PLCB1: variants seen among roughly 807,000 people sequenced by gnomAD.
PLCB1 encodes phospholipase C beta 1, also known as 1-phosphatidylinositol 4,5-bisphosphate phosphodiesterase beta-1.
In PLCB1, 46 loss-of-function variants were observed where a neutral mutation model predicts 161.8. The ratio of observed to expected loss-of-function variants is 0.28; its 90% confidence interval spans 0.22 to 0.36. PLCB1 has a LOEUF of 0.36. Ranked by LOEUF, PLCB1 falls within the 10% of genes least tolerant of loss-of-function variation. PLCB1 has a pLI of 1.00. For missense variants in PLCB1, 1,016 were observed against 1,472.5 expected, an observed-to-expected ratio of 0.69 and a Z score of 5.07; for synonymous variants, 517 against 503.7, an observed-to-expected ratio of 1.03 and a Z score of -0.35.
At chr20:8,600,090 T>A (rs1174089366) in intron 3 of PLCB1, among the ~76,000 whole-genome samples, 1 of 123,652 alleles carries the variant, frequency 8.1e-6, no homozygotes, top group East Asian at 2.3e-4. Flanking sequence ...GAAGCCTTCT[T>A]CTCTCAGCTC....
intron 2 of PLCB1, among the ~76,000 whole-genome samples, chr20:8,150,589 G>A (rs1177184988): frequency 6.6e-6 from 1 of 152,114 alleles, no homozygotes; most frequent in Admixed American, 6.5e-5. Flanking sequence ...AGAGCAATTG[G>A]TATTTTTGGT....
intron 3 of PLCB1, among the ~76,000 whole-genome samples, chr20:8,513,022 A>G (rs562354247): frequency 9.8e-5 from 15 of 152,300 alleles, no homozygotes; most frequent in African/African-American, 3.1e-4. Context: ...TAGATTCCAC[A>G]TATAAATGAG....
rs894644215 is a variant in PLCB1, at chr20:8,633,890, T to C, written c.384+5459T>C. On this transcript the variant is annotated intron_variant, in intron 4 of 31. Transcript: ENST00000338037. The stretch of plus-strand genomic sequence containing the variant: ...ATGAAATCATACAATAAAGTCTTTT[T>C]GGTCTGACTTCTATTATTCAACATT... 9.9e-5 allele frequency among the ~76,000 whole-genome samples: 15 copies of C among 152,232 alleles called. No homozygotes were observed. The East Asian group carries it at 2.9e-3, about 29-fold the overall frequency.
chr20:8,320,645 C>A (rs1984867627), intron 2 of PLCB1, among the ~76,000 whole-genome samples: 1 of 152,116 alleles, frequency 6.6e-6, no homozygotes. Flanking sequence ...GCATGTTGTT[C>A]CATGGGTGTT....
intron 3 of PLCB1, among the ~76,000 whole-genome samples, chr20:8,534,382 C>A (rs568188444): frequency 2.2e-4 from 33 of 152,208 alleles, no homozygotes; most frequent in Non-Finnish European, 3.5e-4. Flanking sequence ...ATATTTACTT[C>A]TTTGACAGCC....
At chr20:8,556,245 G>A (rs1425043084) in intron 3 of PLCB1, among the ~76,000 whole-genome samples, 1 of 152,010 alleles carries the variant, frequency 6.6e-6, no homozygotes, top group Non-Finnish European at 1.5e-5. Flanking sequence ...GTGTTTGTCT[G>A]TTTTGACCTG....
intron 3 of PLCB1, among the ~76,000 whole-genome samples, chr20:8,567,403 C>T (rs1986370632): frequency 6.6e-6 from 1 of 151,990 alleles, no homozygotes; most frequent in Non-Finnish European, 1.5e-5. Context: ...ATCCGGATAC[C>T]CAAGTCTTCA....
chr20:8,701,313 G>A (rs1346456972), intron 11 of PLCB1, among the ~76,000 whole-genome samples: 1 of 152,168 alleles, frequency 6.6e-6, no homozygotes, highest in Non-Finnish European at 1.5e-5. Context: ...CATGGGCTGT[G>A]CCAGGCTGGC....
intron 2 of PLCB1, among the ~76,000 whole-genome samples, chr20:8,207,908 TCTC>T (rs1978617878): frequency 6.6e-6 from 1 of 152,106 alleles, no homozygotes; most frequent in African/African-American, 2.4e-5. Context: ...CTGCCTCCTT[TCTC>T]CTCCTGCAGC....
At chr20:8,141,651 A>G (rs927051577) in intron 1 of PLCB1, among the ~76,000 whole-genome samples, 2 of 151,064 alleles carry the variant, frequency 1.3e-5, no homozygotes, top group South Asian at 2.1e-4. Flanking sequence ...AGGAGGGGGC[A>G]ATGTATGCTC....
chr20:8,361,373 C>G (rs532405440), intron 2 of PLCB1, among the ~76,000 whole-genome samples: 2 of 152,188 alleles, frequency 1.3e-5, no homozygotes, highest in Non-Finnish European at 2.9e-5. Flanking sequence ...ACCTAATTAG[C>G]CTTCTCTGTG....
chr20:8,379,587 A>G (rs1568654133), intron 3 of PLCB1, among the ~76,000 whole-genome samples: 2 of 152,144 alleles, frequency 1.3e-5, no homozygotes, highest in Admixed American at 6.5e-5. Flanking sequence ...AAGCATTCCT[A>G]TTTCTCCACA....
rs957449265 is a variant in PLCB1, at chr20:8,600,364, AGGTGTCAGTGTGC to A, written c.247-27929_247-27917del. On this transcript the variant is annotated intron_variant, in intron 3 of 31. Transcript: ENST00000338037. ...GTCAGTTGGAATACCCTGCCGTGTG[AGGTGTCAGTGTGC>A]CCCTGCTGGGGGGTGCCTCCCAGTT... 6.5e-5 allele frequency among the ~76,000 whole-genome samples: 7 copies of A among 108,072 alleles called. 1 individual carries two copies. The highest frequency in any genetic ancestry group is 2.7e-4 in the South Asian group (1 of 3,688). The allele number at this position is 108,072 out of a possible 152,430, so 70.9% of individuals were successfully genotyped here. A position where few individuals can be genotyped will look rare whatever the true frequency, so the allele number is the denominator to read the frequency against.
intron 2 of PLCB1, among the ~76,000 whole-genome samples, chr20:8,197,872 A>G (rs920814150): frequency 2.6e-5 from 4 of 152,126 alleles, no homozygotes; most frequent in African/African-American, 7.2e-5. Context: ...TCAGCTTTCT[A>G]CATATGCCTA....
intron 3 of PLCB1, among the ~76,000 whole-genome samples, chr20:8,623,331 G>C (rs1344596458): frequency 2.6e-5 from 4 of 151,874 alleles, no homozygotes; most frequent in African/African-American, 9.7e-5. Flanking sequence ...TTTTGTTTTA[G>C]ACTTAAATAG....
chr20:8,235,456 T>G (rs1030793247), intron 2 of PLCB1, among the ~76,000 whole-genome samples: 2 of 152,092 alleles, frequency 1.3e-5, no homozygotes, highest in African/African-American at 2.4e-5. Flanking sequence ...ATGATCATAC[T>G]GATAAGGCAA....
chr20:8,529,640 T>TTA, intron 3 of PLCB1, among the ~76,000 whole-genome samples: 1 of 28,126 alleles, frequency 3.6e-5, no homozygotes, highest in East Asian at 5.8e-4. Flanking sequence ...CAGTAGTTAA[T>TTA]ATACAAGCAT....
In PLCB1 at chr20:8,883,254, T is replaced by G. The variant is rs542927849; in HGVS notation, c.*1405T>G. On this transcript the variant is annotated 3_prime_UTR_variant, in exon 32 of 32. Transcript: ENST00000338037. The stretch of plus-strand genomic sequence containing the variant: ...AGTCTGACACATTTCTATTTTATTC[T>G]AACATAAAAAAACTTCCATTATATA... 1 of 152,104 alleles carries G rather than the reference T, an allele frequency of 6.6e-6. No homozygotes were observed. The highest frequency in any genetic ancestry group is 1.5e-5 in the Non-Finnish European group (1 of 67,998). 9.4% of individuals were successfully genotyped at this position (152,104 alleles called of 1,614,324 possible).
At chr20:8,644,101 A>G (rs922473078) in intron 4 of PLCB1, among the ~76,000 whole-genome samples, 15 of 152,170 alleles carry the variant, frequency 9.9e-5, no homozygotes, top group Admixed American at 2.6e-4. Flanking sequence ...TCAGTGCTCA[A>G]TGGTGCCCAG....
Sources: allele counts gnomAD v4.1 joint callset (sites outside exome capture counted in the v4.1 genomes callset), GRCh38; gene constraint gnomAD v4.1.1; transcripts MANE v1.5; gene names NCBI Gene and HGNC (gene_info 2026-07-23, HGNC 2026-07-21).